ZNF423: variants seen among roughly 807,000 people sequenced by gnomAD.
The protein encoded by ZNF423 is zinc finger protein 423, also known as Ebf-associated zinc finger protein.
In ZNF423, 12 loss-of-function variants were observed where a neutral mutation model predicts 95.8. The ratio of observed to expected loss-of-function variants is 0.13; its 90% CI spans 0.08 to 0.20. The LOEUF (loss-of-function observed/expected upper bound fraction) is 0.20. Among genes scored for constraint, ZNF423 ranks in the 10% least tolerant of loss-of-function variants. The pLI, the probability that ZNF423 is intolerant of heterozygous loss-of-function variation, is 1.00. For missense variants in ZNF423, 1,316 were observed against 1,737.1 expected, an observed-to-expected ratio of 0.76 and a Z score of 4.31; for synonymous variants, 749 against 711.9, an observed-to-expected ratio of 1.05 and a Z score of -0.83.
chr16:49,685,912 C>T (rs1332657673), intron 3 of ZNF423, among the ~76,000 whole-genome samples: 1 of 152,212 alleles, frequency 6.6e-6, no homozygotes, highest in African/African-American at 2.4e-5. Context: ...CACCAATCCC[C>T]CCAACATGCC....
chr16:49,516,604 G>C (rs1968154727), intron 7 of ZNF423, among the ~76,000 whole-genome samples: 1 of 152,172 alleles, frequency 6.6e-6, no homozygotes, highest in South Asian at 2.1e-4. Context: ...ACTCTTGGCA[G>C]CATTTCAGAC....
intron 5 of ZNF423, among the ~76,000 whole-genome samples, chr16:49,578,960 A>C (rs928096647): frequency 1.3e-5 from 2 of 152,132 alleles, no homozygotes; most frequent in African/African-American, 4.8e-5. Flanking sequence ...GGAAACAAAA[A>C]CATTATTTTC....
At chr16:49,622,411 C>A (rs928222977) in intron 5 of ZNF423, among the ~76,000 whole-genome samples, 1 of 151,976 alleles carries the variant, frequency 6.6e-6, no homozygotes, top group Non-Finnish European at 1.5e-5. Flanking sequence ...TACAGCCCCC[C>A]AGACTCACCT....
intron 1 of ZNF423, among the ~76,000 whole-genome samples, chr16:49,828,876 G>T (rs1483584871): frequency 6.6e-6 from 1 of 152,224 alleles, no homozygotes; most frequent in Non-Finnish European, 1.5e-5. Context: ...TTGGCAGGCT[G>T]AGGACTCAAA....
At chr16:49,687,898 G>A (rs2031625902) in intron 3 of ZNF423, among the ~76,000 whole-genome samples, 1 of 152,072 alleles carries the variant, frequency 6.6e-6, no homozygotes, top group Non-Finnish European at 1.5e-5. Flanking sequence ...AGAGAGCTCA[G>A]AGGGGCTCCT....
intron 5 of ZNF423, among the ~76,000 whole-genome samples, chr16:49,571,875 A>G (rs1970366630): frequency 6.6e-6 from 1 of 152,106 alleles, no homozygotes; most frequent in African/African-American, 2.4e-5. Flanking sequence ...TTGAATTTTT[A>G]CTATTATTCT....
chr16:49,492,419 C>A lies in ZNF423; in HGVS notation c.3850-1115G>T, dbSNP rs1206399358. Among the ~76,000 whole-genome samples the A allele has an allele frequency of 2.0e-5, 3 of 152,164 alleles. No homozygotes were observed. The highest frequency in any genetic ancestry group is 1.5e-5 in the Non-Finnish European group (1 of 68,002). ...AGAGGCACCGCGTCTCTCCTGGGCT[C>A]GGGTCCGCGGCGAGGGCGACCAGGT... On this transcript the variant is annotated intron_variant, in intron 7 of 7. Coordinates refer to ENST00000563137, the MANE Select transcript of ZNF423 (RefSeq NM_001379286.1). This position sits in a 1 kb window ranked among gnomAD's most constrained non-coding sequence, Gnocchi z 4.2.
intron 3 of ZNF423, among the ~76,000 whole-genome samples, chr16:49,648,215 T>C (rs957771429): frequency 2.6e-5 from 4 of 152,202 alleles, no homozygotes; most frequent in Non-Finnish European, 1.5e-5. Context: ...AGTGAAATTA[T>C]GACTCACAGT....
chr16:49,768,677 C>A (rs1006679013), intron 2 of ZNF423, among the ~76,000 whole-genome samples: 11 of 152,148 alleles, frequency 7.2e-5, no homozygotes, highest in Non-Finnish European at 1.6e-4. Flanking sequence ...ATGCCGATGT[C>A]CCAACCTGCA....
At chr16:49,683,661 A>G (rs1191556417) in intron 3 of ZNF423, among the ~76,000 whole-genome samples, 2 of 152,228 alleles carry the variant, frequency 1.3e-5, no homozygotes, top group African/African-American at 4.8e-5. Context: ...CCCCTGGGTG[A>G]TTCCAATATG....
At chr16:49,569,542 G>A (rs1488009737) in intron 5 of ZNF423, among the ~76,000 whole-genome samples, 1 of 152,156 alleles carries the variant, frequency 6.6e-6, no homozygotes, top group African/African-American at 2.4e-5. Context: ...ATTACTTTAA[G>A]AGCCTCAGTT....
intron 3 of ZNF423, among the ~76,000 whole-genome samples, chr16:49,661,780 C>G (rs1197150046): frequency 6.6e-6 from 1 of 152,208 alleles, no homozygotes; most frequent in African/African-American, 2.4e-5. Flanking sequence ...GCATCAGGAT[C>G]ATGTCCAGGA....
intron 5 of ZNF423, among the ~76,000 whole-genome samples, chr16:49,568,675 T>C (rs1970269162): frequency 6.6e-6 from 1 of 152,128 alleles, no homozygotes; most frequent in Non-Finnish European, 1.5e-5. Context: ...GAATGACAAA[T>C]GCTGTCTGCG....
At chr16:49,618,868 T>G (rs16944158) in intron 5 of ZNF423, among the ~76,000 whole-genome samples, 41,833 of 151,932 alleles carry the variant, frequency 0.28, 5,941 homozygotes, top group South Asian at 0.4. Context: ...CAAATCCTGC[T>G]GGTTATGTCT....
chr16:49,551,718 C>T (rs1367755480), intron 5 of ZNF423, among the ~76,000 whole-genome samples: 2 of 152,140 alleles, frequency 1.3e-5, no homozygotes, highest in African/African-American at 2.4e-5. Flanking sequence ...AGGAGACCCT[C>T]GGGGGCACAG....
intron 1 of ZNF423, among the ~76,000 whole-genome samples, chr16:49,846,356 G>A (rs1471333471): frequency 2.6e-5 from 4 of 151,470 alleles, no homozygotes; most frequent in Non-Finnish European, 5.9e-5. Context: ...TGAGCGCCCT[G>A]CGAGTGAAAG....
At chr16:49,755,421 A>G (rs898382110) in intron 2 of ZNF423, among the ~76,000 whole-genome samples, 6 of 152,176 alleles carry the variant, frequency 3.9e-5, no homozygotes, top group Non-Finnish European at 8.8e-5. Flanking sequence ...TCACAAGGAA[A>G]GTTCATTTCT....
intron 5 of ZNF423, among the ~76,000 whole-genome samples, chr16:49,622,968 G>C (rs1179828213): frequency 6.6e-6 from 1 of 152,160 alleles, no homozygotes; most frequent in East Asian, 1.9e-4. Flanking sequence ...CACCCACAGA[G>C]ACCGCTGCAA....
At position 49,635,062 on chromosome 16, in the gene ZNF423, T is replaced by C. The variant is rs118048582; in HGVS notation, c.3516+598A>G. 0.012 allele frequency among the ~76,000 whole-genome samples: 1,793 copies of C among 152,298 alleles called. 17 individuals are homozygous for C. Among genetic ancestry groups the C allele is most frequent in the Non-Finnish European group, 0.019 (1,285 of 68,018 alleles). ...AAACCACATCAAAGGGCCTTCCACA[T>C]ACCAGCAACTGCACTAACTGAAATG... On this transcript the variant is annotated intron_variant, in intron 4 of 7. Coordinates refer to ENST00000563137, the MANE Select transcript of ZNF423 (RefSeq NM_001379286.1). The surrounding 1 kb of genome is among the most constrained non-coding windows in gnomAD (Gnocchi z 4.8).
Sources: allele counts gnomAD v4.1 joint callset (sites outside exome capture counted in the v4.1 genomes callset), GRCh38; gene constraint gnomAD v4.1.1; non-coding constraint Gnocchi (gnomAD v3.1); transcripts MANE v1.5; gene names NCBI Gene and HGNC (gene_info 2026-07-23, HGNC 2026-07-21).